The following RPS6KC1 variants were observed in gnomAD, a reference collection of about 807,000 sequenced individuals.
The protein encoded by RPS6KC1 is inactive ribosomal protein S6 kinase delta-1.
Under a neutral mutation model 103.8 loss-of-function variants are expected in RPS6KC1, and 54 were observed. That is an observed-to-expected ratio of 0.52 (90% CI 0.42 to 0.65). The LOEUF is 0.65. Among genes scored for constraint, RPS6KC1 ranks in the 30% least tolerant of loss-of-function variants. RPS6KC1 has a pLI of 0.00. For synonymous variants in RPS6KC1, 439 were observed against 438.7 expected, an observed-to-expected ratio of 1.00 and a Z score of -0.01; for missense variants, 1,151 against 1,253.8, an observed-to-expected ratio of 0.92 and a Z score of 1.24.
the RPS6KC1 span, among the ~76,000 whole-genome samples, chr1:213,409,605 T>C: frequency 1.3e-5 from 2 of 152,102 alleles, no homozygotes; most frequent in Non-Finnish European, 2.9e-5. Context: ...AATAAGAAAA[T>C]AGTTGAACTG....
At chr1:213,113,539 G>C (rs2083255709) in intron 4 of RPS6KC1, among the ~76,000 whole-genome samples, 1 of 150,666 alleles carries the variant, frequency 6.6e-6, no homozygotes, top group African/African-American at 2.5e-5. Context: ...AGTTTCTTTT[G>C]CTGTGCAGAA....
the RPS6KC1 span, among the ~76,000 whole-genome samples, chr1:213,324,396 T>G: frequency 1.3e-5 from 2 of 152,142 alleles, no homozygotes; most frequent in Non-Finnish European, 2.9e-5. Context: ...GGTAGGATAT[T>G]TAAACATCCA....
the RPS6KC1 span, among the ~76,000 whole-genome samples, chr1:213,390,696 G>T: frequency 6.6e-6 from 1 of 152,150 alleles, no homozygotes; most frequent in Non-Finnish European, 1.5e-5. Flanking sequence ...TCATTGGGCT[G>T]AAATTTTCTC....
chr1:213,580,695 A>G, the RPS6KC1 span, among the ~76,000 whole-genome samples: 462 of 152,214 alleles, frequency 3.0e-3, 3 homozygotes, highest in African/African-American at 0.011. Flanking sequence ...GCAGCCATCA[A>G]CATAGAAGCA....
chr1:213,320,424 T>G, the RPS6KC1 span, among the ~76,000 whole-genome samples: 1 of 152,258 alleles, frequency 6.6e-6, no homozygotes, highest in Admixed American at 6.5e-5. Flanking sequence ...GTAATTAATT[T>G]CTGTGAGCCA....
the RPS6KC1 span, among the ~76,000 whole-genome samples, chr1:213,700,710 T>G: frequency 6.6e-6 from 1 of 152,102 alleles, no homozygotes; most frequent in East Asian, 1.9e-4. Context: ...TTCCAGTTTT[T>G]GGTACCCTCT....
At chr1:213,086,580 T>A (rs930328813) in intron 3 of RPS6KC1, among the ~76,000 whole-genome samples, 6 of 152,234 alleles carry the variant, frequency 3.9e-5, no homozygotes, top group African/African-American at 1.2e-4. Flanking sequence ...TAGTAGTTAA[T>A]TCTGGGTAAA....
the RPS6KC1 span, among the ~76,000 whole-genome samples, chr1:213,448,036 C>T: frequency 2.6e-5 from 4 of 151,612 alleles, no homozygotes; most frequent in Non-Finnish European, 4.4e-5. Context: ...GAGTTTGAGA[C>T]CTGCCTGGGA....
chr1:213,210,518 A>T (rs183409829), intron 8 of RPS6KC1, among the ~76,000 whole-genome samples: 2 of 152,366 alleles, frequency 1.3e-5, no homozygotes, highest in East Asian at 3.9e-4. Context: ...GTGTACCTGT[A>T]GACTGTTGAC....
intron 1 of RPS6KC1, among the ~76,000 whole-genome samples, chr1:213,068,136 G>A (rs2078494592): frequency 1.3e-5 from 2 of 152,044 alleles, no homozygotes; most frequent in South Asian, 2.1e-4. Context: ...ATTTTTGGGG[G>A]GTGGATTATT....
At chr1:213,331,599 C>T in the RPS6KC1 span, among the ~76,000 whole-genome samples, 1 of 152,228 alleles carries the variant, frequency 6.6e-6, no homozygotes, top group Non-Finnish European at 1.5e-5. Flanking sequence ...GCGTCCTGTG[C>T]ACTGCTTGTC....
At chr1:213,706,425 C>G in the RPS6KC1 span, among the ~76,000 whole-genome samples, 11 of 152,140 alleles carry the variant, frequency 7.2e-5, no homozygotes, top group African/African-American at 2.7e-4. Flanking sequence ...TGGCAACATG[C>G]CACCTCTGCT....
the RPS6KC1 span, among the ~76,000 whole-genome samples, chr1:213,417,065 A>C: frequency 6.6e-6 from 1 of 152,094 alleles, no homozygotes; most frequent in Non-Finnish European, 1.5e-5. Context: ...GTGATGTGGC[A>C]CTTCCCACCA....
chr1:213,531,591 T>C, the RPS6KC1 span, among the ~76,000 whole-genome samples: 1 of 152,206 alleles, frequency 6.6e-6, no homozygotes, highest in Non-Finnish European at 1.5e-5. Context: ...AGCTAATCTC[T>C]TGTCCTTGCT....
At chr1:213,629,720 A>G in the RPS6KC1 span, among the ~76,000 whole-genome samples, 14 of 152,034 alleles carry the variant, frequency 9.2e-5, no homozygotes, top group South Asian at 1.7e-3. Flanking sequence ...AGTGGCTGGT[A>G]CCGGTTATTC....
chr1:213,745,052 T>C, the RPS6KC1 span, among the ~76,000 whole-genome samples: 2 of 152,332 alleles, frequency 1.3e-5, no homozygotes, highest in African/African-American at 4.8e-5. Context: ...TACACAGATG[T>C]GAACACAAAG....
At chr1:213,305,869 T>C in the RPS6KC1 span, among the ~76,000 whole-genome samples, 1 of 152,256 alleles carries the variant, frequency 6.6e-6, no homozygotes, top group South Asian at 2.1e-4. Context: ...TCGACTGACT[T>C]GACCCTGTAA....
chr1:213,688,964 G>A, the RPS6KC1 span, among the ~76,000 whole-genome samples: 12 of 152,158 alleles, frequency 7.9e-5, no homozygotes, highest in African/African-American at 2.4e-4. Context: ...TTTTTTTCAC[G>A]TTGTGGGAGA....
chr1:213,657,804 T>C, the RPS6KC1 span, among the ~76,000 whole-genome samples: 2 of 152,256 alleles, frequency 1.3e-5, no homozygotes, highest in Non-Finnish European at 2.9e-5. Context: ...CTCCCTCTTT[T>C]GCTTCTCAGT....
Sources: allele counts gnomAD v4.1 joint callset (sites outside exome capture counted in the v4.1 genomes callset), GRCh38; gene constraint gnomAD v4.1.1; transcripts MANE v1.5; gene names NCBI Gene and HGNC (gene_info 2026-07-23, HGNC 2026-07-21).